The following VAV2 variants were observed in gnomAD, a reference collection of about 807,000 sequenced individuals.
VAV2 encodes the protein vav guanine nucleotide exchange factor 2.
VAV2 carries 67 observed loss-of-function variants against 132.5 expected under a neutral mutation model. The observed-to-expected ratio is 0.51, with a 90% CI of 0.42 to 0.62. VAV2 has a LOEUF of 0.62. Among genes scored for constraint, VAV2 ranks in the 20% least tolerant of loss-of-function variants. The pLI, the probability that VAV2 is intolerant of heterozygous loss-of-function variation, is 0.00. For synonymous variants in VAV2, 492 were observed against 443.5 expected (o/e 1.11, Z -1.37); for missense variants, 938 against 1,153.6 (o/e 0.81, Z 2.71).
intron 1 of VAV2, among the ~76,000 whole-genome samples, chr9:133,957,596 C>A (rs1841825626): frequency 6.6e-6 from 1 of 152,074 alleles, no homozygotes; most frequent in Non-Finnish European, 1.5e-5. Flanking sequence ...CCTTCCAGGG[C>A]AAGAGGGACG....
chr9:133,862,722 G>C (rs1241082557), intron 2 of VAV2, among the ~76,000 whole-genome samples: 1 of 152,212 alleles, frequency 6.6e-6, no homozygotes, highest in Non-Finnish European at 1.5e-5. Context: ...ACCACACCAG[G>C]GAACCCCACG....
chr9:133,963,998 A>G (rs1057151308), intron 1 of VAV2, among the ~76,000 whole-genome samples: 5 of 141,328 alleles, frequency 3.5e-5, no homozygotes. Flanking sequence ...GAAGACTAGT[A>G]AACTTTAAAA....
In VAV2 at chr9:133,768,890, A is replaced by C. The variant is rs1435933811; in HGVS notation, c.2435-294T>G. Among the ~76,000 whole-genome samples the C allele has an allele frequency of 6.6e-6, 1 of 152,180 alleles. No individual in the cohort carries two copies. The highest frequency in any genetic ancestry group is 6.5e-5 in the Admixed American group (1 of 15,282). On this transcript the variant is annotated intron_variant, in intron 28 of 29. Transcript: ENST00000371850. The surrounding 1 kb of genome is among the most constrained non-coding windows in gnomAD (Gnocchi z 5.3). ...CCATCATCATTCCAGTGGTCCCCCAAATCCAACCAGAAACCCAGTGGAACC... is the reference window on the plus strand; with the variant it reads ...CCATCATCATTCCAGTGGTCCCCCACATCCAACCAGAAACCCAGTGGAACC...
chr9:133,770,621 T>C, intron 26 of VAV2, 120 bp from the exon 27 acceptor site: 1 of 1,448,114 alleles, frequency 6.9e-7, no homozygotes, highest in Non-Finnish European at 9.3e-7. Flanking sequence ...CCTGGACTCC[T>C]CAGAACTCCC....
At chr9:133,792,715 G>A (rs1392639047) in intron 12 of VAV2, among the ~76,000 whole-genome samples, 3 of 123,908 alleles carry the variant, frequency 2.4e-5, no homozygotes, top group African/African-American at 3.3e-5. Flanking sequence ...TCCAGGCACC[G>A]GGCGTTTCTG....
At chr9:133,909,527 C>T (rs76721967) in intron 2 of VAV2, among the ~76,000 whole-genome samples, 1,665 of 152,308 alleles carry the variant, frequency 0.011, 36 homozygotes, top group African/African-American at 0.037. Flanking sequence ...CTCAGAACAG[C>T]GCCTAGCACA....
Position 133,969,348 on chromosome 9 carries a change from C to T in VAV2, c.204+22727G>A, listed in dbSNP as rs78832758. ...TTCAGTCTGTGCCAATCAGACGTCT[C>T]TCTCCAGGGATCTGACAGTGCCAGA... On this transcript the variant is annotated intron_variant, in intron 1 of 29. Coordinates refer to ENST00000371850, the MANE Select transcript of VAV2 (RefSeq NM_001134398.2). The surrounding 1 kb of genome is among the most constrained non-coding windows in gnomAD (Gnocchi z 5.1). Among the ~76,000 whole-genome samples, 636 of 152,304 alleles carry T rather than the reference C, an allele frequency of 4.2e-3. 4 individuals are homozygous for T. The highest frequency in any genetic ancestry group is 0.014 in the African/African-American group (600 of 41,568).
chr9:133,784,316 C>A lies in VAV2; in HGVS notation c.1634+1G>T. 6.2e-7 allele frequency: 1 copy of A among 1,614,114 alleles called. No homozygotes were observed. ...GGGCTGTAGCAGGGGGTTTCCCACA[C>A]CTGAGGAACATTTTGCAGGCTTTGC... On this transcript the variant is annotated splice_donor_variant, in intron 18 of 29. Coordinates refer to ENST00000371850, the MANE Select transcript of VAV2 (RefSeq NM_001134398.2). LOFTEE classifies it high-confidence loss of function.
intron 2 of VAV2, among the ~76,000 whole-genome samples, chr9:133,887,613 G>A (rs1029004295): frequency 2.0e-5 from 3 of 151,898 alleles, no homozygotes; most frequent in African/African-American, 7.3e-5. Context: ...CGCCTCCCTG[G>A]GGACACCACG....
chr9:133,776,962 T>C (rs553413037), intron 23 of VAV2, among the ~76,000 whole-genome samples: 22 of 152,310 alleles, frequency 1.4e-4, no homozygotes, highest in African/African-American at 5.3e-4. Context: ...AGAAATACCA[T>C]ATTGCCTCTG....
chr9:133,930,535 G>A (rs995810273), intron 2 of VAV2, among the ~76,000 whole-genome samples: 3 of 152,230 alleles, frequency 2.0e-5, no homozygotes, highest in East Asian at 1.9e-4. Context: ...ACTGTGCTGC[G>A]TGCAACAGCT....
intron 4 of VAV2, among the ~76,000 whole-genome samples, chr9:133,813,609 G>A (rs907902542): frequency 2.6e-5 from 4 of 152,258 alleles, no homozygotes; most frequent in Non-Finnish European, 5.9e-5. Context: ...AGGGGAAGCC[G>A]GGGGTGAGCC....
chr9:133,856,992 C>A (rs776580948), intron 3 of VAV2, among the ~76,000 whole-genome samples: 2 of 152,206 alleles, frequency 1.3e-5, no homozygotes, highest in African/African-American at 4.8e-5. Flanking sequence ...ACAGAGCAAC[C>A]CCGCGAGGCA....
chr9:133,851,353 G>A (rs1167815028), intron 3 of VAV2, among the ~76,000 whole-genome samples: 3 of 152,200 alleles, frequency 2.0e-5, no homozygotes, highest in Non-Finnish European at 4.4e-5. Flanking sequence ...CTGTGTGCCA[G>A]GCACTATACT....
Position 133,797,818 on chromosome 9 carries a change from T to TGCACACACAC in VAV2, c.837-19_837-10dup. ...CCCCGTAGATCAGAAGCCTGGACGG[T>TGCACACACAC]GCACACACACGCACACACGCACACA... On this transcript the variant is annotated splice_polypyrimidine_tract_variant and intron_variant, in intron 9 of 29. Transcript: ENST00000371850. The TGCACACACAC allele has an allele frequency of 6.2e-7, 1 of 1,613,180 alleles. No homozygotes were observed. The highest frequency in any genetic ancestry group is 8.5e-7 in the Non-Finnish European group (1 of 1,179,452).
At chr9:133,825,558 C>G (rs144047881) in intron 4 of VAV2, among the ~76,000 whole-genome samples, 3 of 152,194 alleles carry the variant, frequency 2.0e-5, no homozygotes, top group Non-Finnish European at 2.9e-5. Context: ...CAGCTCAACT[C>G]GGGCTCCACA....
chr9:133,814,985 G>A (rs1042318031), intron 4 of VAV2, among the ~76,000 whole-genome samples: 5 of 152,186 alleles, frequency 3.3e-5, no homozygotes, highest in Admixed American at 3.3e-4. Context: ...GACAAGGCCT[G>A]AACGTATTCC....
chr9:133,839,499 G>A (rs1160595092), intron 3 of VAV2, among the ~76,000 whole-genome samples: 6 of 150,376 alleles, frequency 4.0e-5, no homozygotes, highest in African/African-American at 1.5e-4. Flanking sequence ...CACCCGGGCT[G>A]GAGTGCAATG....
chr9:133,967,313 G>A (rs950249969), intron 1 of VAV2, among the ~76,000 whole-genome samples: 5 of 152,166 alleles, frequency 3.3e-5, no homozygotes, highest in East Asian at 1.9e-4. Flanking sequence ...TGGTCAGAAC[G>A]TAGACTAATA....
Sources: gnomAD v4.1 joint callset for allele counts (sites outside exome capture counted in the v4.1 genomes callset) on GRCh38, gnomAD v4.1.1 for gene constraint, Gnocchi (gnomAD v3.1) non-coding constraint, MANE v1.5 for transcripts, NCBI Gene and HGNC (gene_info 2026-07-23, HGNC 2026-07-21) for gene names.